The following COL5A1 variants were observed in gnomAD, a reference collection of about 807,000 sequenced individuals.
COL5A1 encodes collagen type V alpha 1 chain, also known as collagen alpha-1(V) chain.
In COL5A1, 16 loss-of-function variants were observed where a neutral mutation model predicts 263.7. The observed-to-expected ratio is 0.06, with a 90% CI of 0.04 to 0.09. The LOEUF (loss-of-function observed/expected upper bound fraction) is 0.09. Ranked by LOEUF, COL5A1 falls within the 10% of genes least tolerant of loss-of-function variation. COL5A1 has a pLI of 1.00. For synonymous variants in COL5A1, 1,012 were observed against 1,004.5 expected, an observed-to-expected ratio of 1.01 and a Z score of -0.14; for missense variants, 2,036 against 2,540.5, an observed-to-expected ratio of 0.80 and a Z score of 4.27.
At chr9:134,775,035 G>A in intron 27 of COL5A1, 123 bp downstream of exon 27, 2 of 921,776 alleles carry the variant, frequency 2.2e-6, no homozygotes, top group Non-Finnish European at 3.4e-6. Context: ...GTCTGGAGTA[G>A]CCCAGTCCTC....
intron 19 of COL5A1, 47 bp downstream of exon 19, chr9:134,762,025 T>C: frequency 6.3e-7 from 1 of 1,589,166 alleles, no homozygotes; most frequent in South Asian, 1.1e-5. Context: ...GCCCTACTCC[T>C]CAGTGATTTG....
chr9:134,829,854 C>T (rs1588608543), intron 63 of COL5A1, 122 bp from the exon 64 acceptor site: 3 of 517,600 alleles, frequency 5.8e-6, no homozygotes, highest in Non-Finnish European at 5.9e-6. Flanking sequence ...CTCCCTGCAG[C>T]CCCCCCGGCG....
At chr9:134,645,082 A>T (rs148803701) in intron 1 of COL5A1, among the ~76,000 whole-genome samples, 218 of 152,138 alleles carry the variant, frequency 1.4e-3, no homozygotes, top group African/African-American at 4.9e-3. Flanking sequence ...GAGGGGTTGG[A>T]GTTTTGGTTG....
chr9:134,750,607 C>T lies in COL5A1; in HGVS notation c.1560C>T (p.Leu520=), dbSNP rs1835741273. 1 of 1,613,486 alleles carries T rather than the reference C, an allele frequency of 6.2e-7. No homozygotes were observed. The stretch of plus-strand genomic sequence containing the variant: ...TGCCCGGTCCTCCAGGAACCATGCT[C>T]ATGCTGCCCGTGAGTACCCTTATCA... ...DGLPGPPGTM[L]MLPFRFGGGG... Residue 520 remains leucine (L), a synonymous_variant, in exon 12 of 66, where the codon CTC becomes CTT. Transcript: ENST00000371817.
At chr9:134,688,274 C>T (rs929494989) in intron 1 of COL5A1, among the ~76,000 whole-genome samples, 8 of 152,136 alleles carry the variant, frequency 5.3e-5, no homozygotes, top group Non-Finnish European at 8.8e-5. Flanking sequence ...AAGAGCATCA[C>T]GGGCTTGTTA....
intron 4 of COL5A1, among the ~76,000 whole-genome samples, chr9:134,702,577 C>T (rs989042297): frequency 3.3e-5 from 5 of 152,228 alleles, no homozygotes; most frequent in Admixed American, 2.0e-4. Context: ...CGTACTAGTT[C>T]ATTTCTGTGT....
At chr9:134,836,380 C>T (rs1213957315) in intron 65 of COL5A1, among the ~76,000 whole-genome samples, 4 of 152,184 alleles carry the variant, frequency 2.6e-5, no homozygotes, top group Non-Finnish European at 5.9e-5. Context: ...ACCCCGAGGG[C>T]AGCACCAAGC....
chr9:134,792,632 T>C (rs377337318), intron 32 of COL5A1, among the ~76,000 whole-genome samples: 26 of 152,296 alleles, frequency 1.7e-4, no homozygotes, highest in African/African-American at 6.0e-4. Flanking sequence ...CCCAAAGTGC[T>C]GGGATTACAG....
rs191908506 is a variant in COL5A1, at chr9:134,661,478, C to T, written c.109+19182C>T. Among the ~76,000 whole-genome samples, 9 of 151,922 alleles carry T rather than the reference C, an allele frequency of 5.9e-5. No individual in the cohort carries two copies. In the East Asian group the frequency reaches 9.8e-4, roughly 17 times the overall value. On this transcript the variant is annotated intron_variant, in intron 1 of 65. Transcript: ENST00000371817. ...GCTCCCAGCACCAACTGCTTTCTGTCGGTGACTTTCACTCCACCCACCAGT... is the reference window on the plus strand; with the variant it reads ...GCTCCCAGCACCAACTGCTTTCTGTTGGTGACTTTCACTCCACCCACCAGT...
chr9:134,759,714 C>CA (rs1836204688), intron 18 of COL5A1, among the ~76,000 whole-genome samples: 1 of 77,496 alleles, frequency 1.3e-5, no homozygotes, highest in Non-Finnish European at 2.2e-5. Flanking sequence ...ATGCACACAC[C>CA]CCCCCACCCC....
Position 134,685,509 on chromosome 9 carries a change from ACCAT to A in COL5A1, c.110-5383_110-5380del, listed in dbSNP as rs1178190575. 1.9e-4 allele frequency among the ~76,000 whole-genome samples: 11 copies of A among 58,672 alleles called. No individual in the cohort carries two copies. The East Asian group carries it at 4.7e-3, about 25-fold the overall frequency. The allele number at this position is 58,672 out of a possible 152,430, so 38.5% of individuals were successfully genotyped here. Reference sequence around the variant, plus strand: ...CCGTCCATCCATCCATCCATCCATCACCATCCATCCATCCATCCATCCACCATCC... The same window carrying A: ...CCGTCCATCCATCCATCCATCCATCACCATCCATCCATCCATCCACCATCC... On this transcript the variant is annotated intron_variant, in intron 1 of 65. Transcript: ENST00000371817.
intron 60 of COL5A1, 136 bp downstream of exon 60, chr9:134,823,169 CA>C: frequency 8.6e-7 from 1 of 1,164,022 alleles, no homozygotes; most frequent in South Asian, 1.3e-5. Context: ...CATCTTTCTA[CA>C]CTGACCCATG....
At chr9:134,813,172 C>T (rs1033199506) in intron 48 of COL5A1, among the ~76,000 whole-genome samples, 1 of 151,666 alleles carries the variant, frequency 6.6e-6, no homozygotes, top group Non-Finnish European at 1.5e-5. Flanking sequence ...GCCCAGACTC[C>T]ATGAGCGTCA....
At chr9:134,710,486 A>G (rs1201153105) in intron 4 of COL5A1, among the ~76,000 whole-genome samples, 6 of 118,322 alleles carry the variant, frequency 5.1e-5, no homozygotes, top group African/African-American at 1.6e-4. Flanking sequence ...CGTTTAGTGC[A>G]GTGGTGGGGG....
At chr9:134,775,256 ACT>A (rs1837010835) in intron 27 of COL5A1, among the ~76,000 whole-genome samples, 2 of 151,924 alleles carry the variant, frequency 1.3e-5, no homozygotes. Context: ...GGCTTCTGTC[ACT>A]CTCCTCGCAG....
chr9:134,699,166 G>A (rs1055672749), intron 2 of COL5A1, among the ~76,000 whole-genome samples: 13 of 152,192 alleles, frequency 8.5e-5, no homozygotes, highest in South Asian at 2.1e-4. Flanking sequence ...TCATGCCCAC[G>A]GATGAGGGGC....
At position 134,707,587 on chromosome 9, in the gene COL5A1, G is replaced by A. The variant is rs137949540; in HGVS notation, c.654+6254G>A. 2.9e-3 allele frequency among the ~76,000 whole-genome samples: 446 copies of A among 152,028 alleles called. 3 individuals carry two copies. The highest frequency in any genetic ancestry group is 9.5e-3 in the African/African-American group (393 of 41,458). On this transcript the variant is annotated intron_variant, in intron 4 of 65. Transcript: ENST00000371817. ...CCCTGGGATTCCTGTGAGTGGGAAC[G>A]TCCCCCAGGGCGTCAGGCCCTTCAG...
intron 33 of COL5A1, 41 bp from the exon 34 acceptor site, chr9:134,795,221 T>C (rs2132802845): frequency 6.2e-7 from 1 of 1,613,478 alleles, no homozygotes; most frequent in Non-Finnish European, 8.5e-7. Context: ...TGTCTGTGTG[T>C]CGGGACTTGA....
At chr9:134,783,635 TC>T (rs1462656177) in intron 29 of COL5A1, among the ~76,000 whole-genome samples, 1 of 151,722 alleles carries the variant, frequency 6.6e-6, no homozygotes, top group Non-Finnish European at 1.5e-5. Context: ...GCCGCAGTCA[TC>T]CCCCTGCAGC....
Sources: allele counts gnomAD v4.1 joint callset (sites outside exome capture counted in the v4.1 genomes callset), GRCh38; gene constraint gnomAD v4.1.1; transcripts MANE v1.5; gene names NCBI Gene and HGNC (gene_info 2026-07-23, HGNC 2026-07-21).